Variants in LONRF2 observed in about 807,000 individuals in gnomAD.
LONRF2 encodes LON peptidase N-terminal domain and ring finger 2, also known as LON peptidase N-terminal domain and RING finger protein 2.
LONRF2 carries 35 observed loss-of-function variants against 66.6 expected under a neutral mutation model. The observed-to-expected ratio is 0.53, with a 90% CI of 0.40 to 0.70. The LOEUF is 0.70. Among genes scored for constraint, LONRF2 ranks in the 30% least tolerant of loss-of-function variants. LONRF2 has a pLI of 0.00. For missense variants in LONRF2, 902 were observed against 1,002.1 expected (o/e 0.90, Z 1.35); for synonymous variants, 417 against 418.1 (o/e 1.00, Z 0.03).
intron 10 of LONRF2, among the ~76,000 whole-genome samples, chr2:100,288,854 A>T (rs955178925): frequency 3.3e-5 from 5 of 152,158 alleles, no homozygotes; most frequent in African/African-American, 1.2e-4. Context: ...AATGGACCAC[A>T]ATGTGTTTAC....
In LONRF2 at chr2:100,275,225, T is replaced by C. The variant is rs574397553; in HGVS notation, c.*9073A>G. ...GACCTTCTGGGTATAATTGTATAAT[T>C]GGATGCACTGGGTCCCTCTGAATTC... On this transcript the variant is annotated 3_prime_UTR_variant, in exon 12 of 12. Coordinates refer to ENST00000393437, the MANE Select transcript of LONRF2 (RefSeq NM_198461.4). 1 of 152,384 alleles carries C rather than the reference T, an allele frequency of 6.6e-6. No individual in the cohort carries two copies. Among genetic ancestry groups the C allele is most frequent in the East Asian group, 1.9e-4 (1 of 5,182 alleles). 9.4% of individuals were successfully genotyped at this position (152,384 alleles called of 1,614,324 possible).
Position 100,321,503 on chromosome 2 carries a change from C to A in LONRF2, c.591G>T (p.Leu197=). 6.5e-7 allele frequency: 1 copy of A among 1,545,084 alleles called. No individual in the cohort carries two copies. The highest frequency in any genetic ancestry group is 2.6e-5 in the East Asian group (1 of 38,726). ...TCCGCGCCTGGCCTGCCAGCCTGCG[C>A]AGCCGGCACTCGGCCGGGAAGCACT... The part of the protein sequence containing the change: ...LEKCFPAECR[L]RRLAGQARSL... Residue 197 remains leucine (L), a synonymous_variant, in exon 1 of 12, where the codon CTG becomes CTT. Coordinates refer to ENST00000393437, the MANE Select transcript of LONRF2 (RefSeq NM_198461.4).
chr2:100,285,398 C>A (rs1674823838), intron 11 of LONRF2, among the ~76,000 whole-genome samples: 1 of 152,198 alleles, frequency 6.6e-6, no homozygotes, highest in Admixed American at 6.5e-5. Context: ...ACACTCTTTT[C>A]CCTGCCTCAT....
chr2:100,292,751 T>C lies in LONRF2; in HGVS notation c.1757+1478A>G, dbSNP rs185754361. The stretch of plus-strand genomic sequence containing the variant: ...TGTATAAAAAATCTTTCCCCACTCC[T>C]AATTATAAAGGCAGTCCCCAATATT... On this transcript the variant is annotated intron_variant, in intron 9 of 11. Transcript: ENST00000393437. Among the ~76,000 whole-genome samples the C allele has an allele frequency of 2.0e-4, 30 of 152,334 alleles. 2 individuals are homozygous for C. Among genetic ancestry groups the C allele is most frequent in the Admixed American group, 1.7e-3 (26 of 15,306 alleles).
rs1674710512 is a variant in LONRF2 at position 100,281,179 on chromosome 2, C to T, written c.*3119G>A. 1 of 152,174 alleles carries T rather than the reference C, an allele frequency of 6.6e-6. No individual in the cohort carries two copies. Among genetic ancestry groups the T allele is most frequent in the Non-Finnish European group, 1.5e-5 (1 of 68,046 alleles). The allele number at this position is 152,174 out of a possible 1,614,324, so 9.4% of individuals were successfully genotyped here. The stretch of plus-strand genomic sequence containing the variant: ...TCATAGTTCATTGTTATTCTACCAT[C>T]CATAAACTTCAACTGTTCCTTGATG... On this transcript the variant is annotated 3_prime_UTR_variant, in exon 12 of 12. Transcript: ENST00000393437.
chr2:100,312,178 T>A (rs775597888), intron 1 of LONRF2, among the ~76,000 whole-genome samples: 1 of 152,192 alleles, frequency 6.6e-6, no homozygotes, highest in Non-Finnish European at 1.5e-5. Context: ...CTGAGGAGCA[T>A]CTCAATTTTT....
rs1674785682 is a variant in LONRF2 at position 100,283,732 on chromosome 2, G to A, written c.*566C>T. 1.3e-5 allele frequency: 2 copies of A among 152,216 alleles called. No individual in the cohort carries two copies. The highest frequency in any genetic ancestry group is 4.8e-5 in the African/African-American group (2 of 41,438). The allele number at this position is 152,216 out of a possible 1,614,324, so 9.4% of individuals were successfully genotyped here. Reference sequence around the variant, plus strand: ...ACATTAAACACAGTTCTATCCAGAGGCTACTACTTCTTGGGTAAGGACTAG... The same window carrying A: ...ACATTAAACACAGTTCTATCCAGAGACTACTACTTCTTGGGTAAGGACTAG... On this transcript the variant is annotated 3_prime_UTR_variant, in exon 12 of 12. Transcript: ENST00000393437.
rs771247468 is a variant in LONRF2, at chr2:100,309,103, A to T, written c.798+4T>A. 1 of 1,543,308 alleles carries T rather than the reference A, an allele frequency of 6.5e-7. No individual in the cohort carries two copies. On this transcript the variant is annotated splice_donor_region_variant and intron_variant, in intron 2 of 11. Coordinates refer to ENST00000393437, the MANE Select transcript of LONRF2 (RefSeq NM_198461.4). ...TTATCTCCAAAGCTAACAAATACAA[A>T]TACCTTAATCAAGAGAGGTTCATTC... is the stretch of plus-strand genomic sequence containing the variant.
chr2:100,286,327 C>T (rs750110896), intron 11 of LONRF2, among the ~76,000 whole-genome samples: 5 of 152,134 alleles, frequency 3.3e-5, no homozygotes, highest in Non-Finnish European at 5.9e-5. Flanking sequence ...CAGCCTGGCT[C>T]TCCCATCTAA....
chr2:100,288,123 C>A (rs558746801), intron 10 of LONRF2, among the ~76,000 whole-genome samples: 1 of 152,328 alleles, frequency 6.6e-6, no homozygotes, highest in South Asian at 2.1e-4. Context: ...TCTACAACAA[C>A]GGTCAATAAA....
Position 100,287,066 on chromosome 2 carries a change from G to C in LONRF2, c.1921-3C>G. On this transcript the variant is annotated splice_region_variant and splice_polypyrimidine_tract_variant and intron_variant, in intron 10 of 11. Coordinates refer to ENST00000393437, the MANE Select transcript of LONRF2 (RefSeq NM_198461.4). ...TCTTCATACTCTGGACCCTCCACCTGATCAGGGAAAGAGGCACAGCTGTGT... is the reference window on the plus strand; with the variant it reads ...TCTTCATACTCTGGACCCTCCACCTCATCAGGGAAAGAGGCACAGCTGTGT... 1 of 1,612,796 alleles carries C rather than the reference G, an allele frequency of 6.2e-7. No homozygotes were observed. The highest frequency in any genetic ancestry group is 1.7e-4 in the Middle Eastern group (1 of 6,058).
chr2:100,293,692 G>T (rs567633958), intron 9 of LONRF2, among the ~76,000 whole-genome samples: 160 of 152,310 alleles, frequency 1.1e-3, no homozygotes, highest in African/African-American at 3.2e-3. Flanking sequence ...GACTGAAAAT[G>T]ATTTGGCTGT....
chr2:100,318,917 G>A (rs1675566796), intron 1 of LONRF2, among the ~76,000 whole-genome samples: 2 of 151,494 alleles, frequency 1.3e-5, no homozygotes, highest in East Asian at 1.9e-4. Context: ...GGATCACAAG[G>A]TCAGGAGATT....
Position 100,294,322 on chromosome 2 carries a change from T to C in LONRF2, c.1664A>G (p.His555Arg), listed in dbSNP as rs1393469428. The change falls in exon 9 of 12, where the codon CAC (histidine) becomes CGC (arginine). Residue 555 changes from histidine (H) to arginine (R), a missense_variant. By Grantham distance (29) the His-to-Arg change is conservative (BLOSUM62 0). Coordinates refer to ENST00000393437, the MANE Select transcript of LONRF2 (RefSeq NM_198461.4). Reference protein sequence around the residue: ...MAFPTVPCPLHVFEPRYRLMI... With the variant: ...MAFPTVPCPLRVFEPRYRLMI... ...AAGCCGATAGCGGGGCTCAAAAACG[T>C]GGAGTGGACATGGGACCGTGGGGAA... 6.8e-6 allele frequency: 11 copies of C among 1,609,674 alleles called. No homozygotes were observed. Among genetic ancestry groups the C allele is most frequent in the Non-Finnish European group, 9.3e-6 (11 of 1,178,420 alleles).
chr2:100,271,981 C>T lies in LONRF2; in HGVS notation c.*12317G>A, dbSNP rs143846819. Among the ~76,000 whole-genome samples, 565 of 152,294 alleles carry T rather than the reference C, an allele frequency of 3.7e-3. 5 individuals carry two copies. Among genetic ancestry groups the T allele is most frequent in the Non-Finnish European group, 5.3e-3 (358 of 68,018 alleles). On this transcript the variant is annotated 3_prime_UTR_variant, in exon 12 of 12. Coordinates refer to ENST00000393437, the MANE Select transcript of LONRF2 (RefSeq NM_198461.4). ...TAAGATTAGTCACTGCATGAGGAAG[C>T]GGGAAAATGCCTGATCCTTACAACT...
Position 100,284,183 on chromosome 2 carries a change from T to C in LONRF2, c.*115A>G. On this transcript the variant is annotated 3_prime_UTR_variant, in exon 12 of 12. Transcript: ENST00000393437. ...GACTCAATGTTTGGCAAGCGTCCCATTTTGGAACCTCATCCACAAGCACTT... is the reference window on the plus strand; with the variant it reads ...GACTCAATGTTTGGCAAGCGTCCCACTTTGGAACCTCATCCACAAGCACTT... The C allele has an allele frequency of 1.0e-6, 1 of 978,516 alleles. No homozygotes were observed. The highest frequency in any genetic ancestry group is 1.5e-6 in the Non-Finnish European group (1 of 687,098). 60.6% of individuals were successfully genotyped at this position (978,516 alleles called of 1,614,324 possible).
At chr2:100,290,835 G>C (rs897013872) in intron 9 of LONRF2, among the ~76,000 whole-genome samples, 1 of 152,198 alleles carries the variant, frequency 6.6e-6, no homozygotes, top group Non-Finnish European at 1.5e-5. Context: ...CACTCCGATT[G>C]TAACTATCAC....
rs532369800 is a variant in LONRF2, at chr2:100,288,348, C to T, written c.1921-1285G>A. Among the ~76,000 whole-genome samples, 7 of 152,316 alleles carry T rather than the reference C, an allele frequency of 4.6e-5. 1 individual carries two copies. The highest frequency in any genetic ancestry group is 1.7e-4 in the African/African-American group (7 of 41,566). ...CAAATCCTAAGTGTACACCACTGCC[C>T]CCAAAATGACTTCCAGTGTGATGTG... On this transcript the variant is annotated intron_variant, in intron 10 of 11. Coordinates refer to ENST00000393437, the MANE Select transcript of LONRF2 (RefSeq NM_198461.4).
At position 100,309,095 on chromosome 2, in the gene LONRF2, AAATACAAATACCTT is replaced by A. The variant is rs1216071060; in HGVS notation, c.796_798+11del. 1 of 1,506,596 alleles carries A rather than the reference AAATACAAATACCTT, an allele frequency of 6.6e-7. No homozygotes were observed. Among genetic ancestry groups the A allele is most frequent in the Non-Finnish European group, 9.0e-7 (1 of 1,109,868 alleles). The allele number at this position is 1,506,596 out of a possible 1,614,324, so 93.3% of individuals were successfully genotyped here. On this transcript the variant is annotated splice_donor_variant and splice_donor_5th_base_variant and coding_sequence_variant and intron_variant, in exon 2 of 12. Coordinates refer to ENST00000393437, the MANE Select transcript of LONRF2 (RefSeq NM_198461.4). LOFTEE classifies it high-confidence loss of function. Reference sequence around the variant, plus strand: ...CACATTGATTATCTCCAAAGCTAACAAATACAAATACCTTAATCAAGAGAGGTTCATTCTGACAA... The same window carrying A: ...CACATTGATTATCTCCAAAGCTAACAAATCAAGAGAGGTTCATTCTGACAA...
Sources: gnomAD v4.1 joint callset for allele counts (sites outside exome capture counted in the v4.1 genomes callset) on GRCh38, gnomAD v4.1.1 for gene constraint, MANE v1.5 for transcripts, NCBI Gene and HGNC (gene_info 2026-07-23, HGNC 2026-07-21) for gene names.